Variants in NPC1 observed in about 807,000 individuals in gnomAD.
The protein encoded by NPC1 is NPC intracellular cholesterol transporter 1.
NPC1 carries 85 observed loss-of-function variants against 140.4 expected under a neutral mutation model. The observed-to-expected ratio is 0.61, with a 90% CI of 0.51 to 0.72. The LOEUF is 0.72. Among genes scored for constraint, NPC1 ranks in the 30% least tolerant of loss-of-function variants. The pLI is 0.00. For missense variants in NPC1, 1,504 were observed against 1,623.8 expected (o/e 0.93, Z 1.27); for synonymous variants, 656 against 624.8 (o/e 1.05, Z -0.74).
chr18:23,527,801 G>GTCT (rs747198370), downstream of NPC1: 4 of 1,613,960 alleles, frequency 2.5e-6, no homozygotes, highest in South Asian at 4.4e-5. Context: ...CCAGTGTTAA[G>GTCT]TGAGTCAGAC....
intron 4 of NPC1, among the ~76,000 whole-genome samples, chr18:23,562,666 G>T (rs2059060836): frequency 6.6e-6 from 1 of 151,924 alleles, no homozygotes. Context: ...AAGGTGATTT[G>T]TGTCTTGTCT....
intron 1 of NPC1, among the ~76,000 whole-genome samples, chr18:23,581,510 T>C (rs1351805318): frequency 6.6e-6 from 1 of 152,176 alleles, no homozygotes; most frequent in Non-Finnish European, 1.5e-5. Context: ...TCTGCATCTA[T>C]AAAATAGGAA....
downstream of NPC1, among the ~76,000 whole-genome samples, chr18:23,517,697 G>T (rs1788818): frequency 2.0e-5 from 3 of 150,794 alleles, no homozygotes; most frequent in Non-Finnish European, 4.4e-5. Flanking sequence ...TTTTTTAAAC[G>T]TACTCTTCTG....
downstream of NPC1, chr18:23,526,908 C>G (rs375758661): frequency 1.9e-4 from 210 of 1,130,684 alleles, 2 homozygotes; most frequent in East Asian, 2.6e-3. Flanking sequence ...GCTATGTGAC[C>G]CCCTAGGAAA....
At chr18:23,573,068 A>AG (rs773111907) in intron 2 of NPC1, among the ~76,000 whole-genome samples, 2 of 152,322 alleles carry the variant, frequency 1.3e-5, no homozygotes, top group Non-Finnish European at 2.9e-5. Flanking sequence ...TGAAATGACC[A>AG]GGGGACAAGG....
Position 23,531,527 on chromosome 18 carries a change from AAAAT to A in NPC1, c.*671_*674del. On this transcript the variant is annotated 3_prime_UTR_variant, in exon 25 of 25. Transcript: ENST00000269228. ...GGAAAACAATGTATTTTATTAAAGA[AAAAT>A]AAGTTAAAACCCAGTAGACACACCT... 2.0e-6 allele frequency: 3 copies of A among 1,523,154 alleles called. No individual in the cohort carries two copies. The highest frequency in any genetic ancestry group is 2.6e-6 in the Non-Finnish European group (3 of 1,141,344). The allele number at this position is 1,523,154 out of a possible 1,614,324, so 94.4% of individuals were successfully genotyped here.
At chr18:23,518,299 C>T (rs1032249117), downstream of NPC1, among the ~76,000 whole-genome samples, 1 of 152,012 alleles carries the variant, frequency 6.6e-6, no homozygotes, top group Non-Finnish European at 1.5e-5. Flanking sequence ...AAGACCAGCC[C>T]GGGCAACATA....
intron 5 of NPC1, 32 bp downstream of exon 5, chr18:23,561,328 A>G (rs1170571225): frequency 1.2e-6 from 2 of 1,612,488 alleles, no homozygotes; most frequent in Non-Finnish European, 1.7e-6. Flanking sequence ...ACAATATCAT[A>G]AACACACCAA....
In NPC1 at chr18:23,586,274, G is replaced by A. The variant is rs1567991637; in HGVS notation, c.57+13C>T. 14 of 1,532,014 alleles carry A rather than the reference G, an allele frequency of 9.1e-6. No homozygotes were observed. The highest frequency in any genetic ancestry group is 1.2e-5 in the Non-Finnish European group (14 of 1,145,340). The allele number at this position is 1,532,014 out of a possible 1,614,324, so 94.9% of individuals were successfully genotyped here. On this transcript the variant is annotated intron_variant, in intron 1 of 24. Coordinates refer to ENST00000269228, the MANE Select transcript of NPC1 (RefSeq NM_000271.5). ...GTCCCCACAGGGCGTCCCGGTGGCC[G>A]GCGACCGCTCACCTGCGCTGGACAC...
chr18:23,584,751 T>TG (rs1209264261), intron 1 of NPC1, among the ~76,000 whole-genome samples: 2 of 152,126 alleles, frequency 1.3e-5, no homozygotes, highest in African/African-American at 4.8e-5. Context: ...CCTAGCTACC[T>TG]GGGAGGCTGA....
chr18:23,507,602 A>G (rs1471207936), intron 3 of NPC1, among the ~76,000 whole-genome samples: 1 of 152,174 alleles, frequency 6.6e-6, no homozygotes, highest in Non-Finnish European at 1.5e-5. Context: ...TGTAGAGTAG[A>G]GGGAAGGCTG....
chr18:23,512,210 G>A (rs2057880363), intron 3 of NPC1, among the ~76,000 whole-genome samples: 1 of 151,826 alleles, frequency 6.6e-6, no homozygotes, highest in Non-Finnish European at 1.5e-5. Flanking sequence ...TAGAAGAGGT[G>A]GGGTTTCACC....
At chr18:23,576,585 C>T (rs546196701) in intron 1 of NPC1, 48 of 652,108 alleles carry the variant, frequency 7.4e-5, no homozygotes, top group Middle Eastern at 1.4e-3. Context: ...AATGAAGCCG[C>T]GGACCCTGGC....
At chr18:23,506,666 C>T (rs373816439) in intron 3 of NPC1, 11 of 257,808 alleles carry the variant, frequency 4.3e-5, no homozygotes, top group Non-Finnish European at 6.0e-5. Context: ...ACAGCAGTTA[C>T]GGAGAAGGCT....
chr18:23,568,676 G>T (rs2059160223), intron 4 of NPC1, 147 bp downstream of exon 4: 3 of 691,380 alleles, frequency 4.3e-6, no homozygotes, highest in Non-Finnish European at 7.6e-6. Flanking sequence ...CAAGTCCTAG[G>T]ATACAAGCAA....
chr18:23,568,549 T>C (rs1010168743), intron 4 of NPC1, among the ~76,000 whole-genome samples: 2 of 152,196 alleles, frequency 1.3e-5, no homozygotes, highest in East Asian at 1.9e-4. Context: ...AAAGATCCAA[T>C]GGTTACTGAA....
intron 10 of NPC1, among the ~76,000 whole-genome samples, chr18:23,549,819 G>A (rs1324549576): frequency 6.7e-6 from 1 of 148,500 alleles, no homozygotes; most frequent in Non-Finnish European, 1.5e-5. Context: ...TTGGCTCACT[G>A]CAAACTCCAC....
At position 23,544,943 on chromosome 18, in the gene NPC1, A is replaced by AC. The variant is rs3837910; in HGVS notation, c.1947+16dup. On this transcript the variant is annotated intron_variant, in intron 12 of 24. Transcript: ENST00000269228. ...GCTGTTAACCTCTAGAACATACACC[A>AC]CCCCCCCCCGGCTTACCAGAAGCCT... 182,349 of 1,026,634 alleles carry AC rather than the reference A, an allele frequency of 0.18. 11,755 individuals are homozygous for AC. Among genetic ancestry groups the AC allele is most frequent in the Middle Eastern group, 0.23 (1,013 of 4,436 alleles). 63.6% of individuals were successfully genotyped at this position (1,026,634 alleles called of 1,614,324 possible).
rs1174215414 is a variant in NPC1, at chr18:23,539,354, C to T, written c.2911+1G>A. The stretch of plus-strand genomic sequence containing the variant: ...GAAAGATTTGGTAAAGGAGAAGGTA[C>T]CTGAAGCATTGCAGAACTGGTCAGT... On this transcript the variant is annotated splice_donor_variant, in intron 19 of 24. Coordinates refer to ENST00000269228, the MANE Select transcript of NPC1 (RefSeq NM_000271.5). LOFTEE classifies it high-confidence loss of function. The T allele has an allele frequency of 1.9e-6, 3 of 1,601,252 alleles. No homozygotes were observed. Among genetic ancestry groups the T allele is most frequent in the Non-Finnish European group, 2.6e-6 (3 of 1,168,496 alleles).
Sources: allele counts gnomAD v4.1 joint callset (sites outside exome capture counted in the v4.1 genomes callset), GRCh38; gene constraint gnomAD v4.1.1; transcripts MANE v1.5; gene names NCBI Gene and HGNC (gene_info 2026-07-23, HGNC 2026-07-21).